The following PRKD1 variants were observed in gnomAD, a reference collection of about 807,000 sequenced individuals.
PRKD1 encodes the protein serine/threonine-protein kinase D1.
A neutral mutation model predicts 95.9 loss-of-function variants in PRKD1; 63 were observed. The ratio of observed to expected loss-of-function variants is 0.66; its 90% confidence interval spans 0.54 to 0.81. The LOEUF is 0.81. Ranked by LOEUF, PRKD1 falls within the 30% of genes least tolerant of loss-of-function variation. The pLI is 0.00. For missense variants in PRKD1, 1,048 were observed against 1,165.3 expected (o/e 0.90, Z 1.47); for synonymous variants, 425 against 423.1 (o/e 1.00, Z -0.05).
At chr14:29,775,931 C>A (rs1169860900) in intron 1 of PRKD1, among the ~76,000 whole-genome samples, 2 of 152,130 alleles carry the variant, frequency 1.3e-5, no homozygotes, top group African/African-American at 4.8e-5. Flanking sequence ...TGGCCAGGTG[C>A]CCCTCTGAGA....
intron 4 of PRKD1, among the ~76,000 whole-genome samples, chr14:29,661,286 T>C (rs747538422): frequency 2.6e-5 from 4 of 152,344 alleles, no homozygotes; most frequent in Non-Finnish European, 5.9e-5. Context: ...GTGGCCTTAA[T>C]GAGCAATGCT....
chr14:29,726,499 T>C (rs950394782), intron 1 of PRKD1, among the ~76,000 whole-genome samples: 2 of 152,210 alleles, frequency 1.3e-5, no homozygotes, highest in Non-Finnish European at 2.9e-5. Flanking sequence ...AAATTATCTT[T>C]CTTCATCCTG....
chr14:29,603,782 G>T (rs147395388), intron 13 of PRKD1, among the ~76,000 whole-genome samples: 1 of 152,242 alleles, frequency 6.6e-6, no homozygotes, highest in African/African-American at 2.4e-5. Flanking sequence ...AACTTCTCAG[G>T]CTTTCCACAG....
At chr14:29,888,825 T>C (rs1893834805) in intron 1 of PRKD1, among the ~76,000 whole-genome samples, 1 of 152,236 alleles carries the variant, frequency 6.6e-6, no homozygotes, top group African/African-American at 2.4e-5. Flanking sequence ...CATTAATTCA[T>C]ATATATTCAC....
intron 16 of PRKD1, among the ~76,000 whole-genome samples, chr14:29,583,295 C>G (rs1035623047): frequency 1.3e-5 from 2 of 152,120 alleles, no homozygotes; most frequent in African/African-American, 4.8e-5. Context: ...GTTTAAATAG[C>G]AGAGATGGAA....
At chr14:29,752,659 T>C (rs1887531946) in intron 1 of PRKD1, among the ~76,000 whole-genome samples, 1 of 151,948 alleles carries the variant, frequency 6.6e-6, no homozygotes, top group Admixed American at 6.6e-5. Context: ...AAATTCATTT[T>C]TAAGAACCCA....
In PRKD1 at chr14:29,927,266, A is replaced by G; in HGVS notation, c.247T>C (p.Ser83Pro). The G allele has an allele frequency of 6.6e-7, 1 of 1,520,452 alleles. No individual in the cohort carries two copies. The highest frequency in any genetic ancestry group is 8.8e-7 in the Non-Finnish European group (1 of 1,134,798). 94.2% of individuals were successfully genotyped at this position (1,520,452 alleles called of 1,614,324 possible). ...CGACTTACCTTCTGGTCGACAATGGAGCAAGCCATCTCGCGGACGTGCGCC... is the reference window on the plus strand; with the variant it reads ...CGACTTACCTTCTGGTCGACAATGGGGCAAGCCATCTCGCGGACGTGCGCC... ...SLAHVREMAC[S>P]IVDQKFPECG... Residue 83 changes from serine (S) to proline (P), a missense_variant, in exon 1 of 18, where the codon TCC (serine) becomes CCC (proline). Ser to Pro is a moderately conservative substitution (Grantham distance 74). Transcript: ENST00000331968.
At position 29,649,843 on chromosome 14, in the gene PRKD1, C is replaced by T. The variant is rs182242906; in HGVS notation, c.697-10939G>A. Among the ~76,000 whole-genome samples the T allele has an allele frequency of 4.2e-3, 645 of 152,238 alleles. 5 individuals are homozygous for T. The highest frequency in any genetic ancestry group is 0.014 in the South Asian group (66 of 4,822). On this transcript the variant is annotated intron_variant, in intron 4 of 17. Transcript: ENST00000331968. The stretch of plus-strand genomic sequence containing the variant: ...TTTTCCTCCCATTTCCTCCCAGTAA[C>T]GACACAGCACATTCACTTTTCCTTT...
chr14:29,892,192 G>A (rs1056667047), intron 1 of PRKD1, among the ~76,000 whole-genome samples: 2 of 152,106 alleles, frequency 1.3e-5, no homozygotes, highest in African/African-American at 4.8e-5. Flanking sequence ...TAGCACCCAT[G>A]TATGTACATC....
At chr14:29,810,743 C>G (rs1235997331) in intron 1 of PRKD1, among the ~76,000 whole-genome samples, 1 of 152,202 alleles carries the variant, frequency 6.6e-6, no homozygotes, top group Non-Finnish European at 1.5e-5. Context: ...CTTTAAAATG[C>G]CAACCTCAAA....
intron 2 of PRKD1, among the ~76,000 whole-genome samples, chr14:29,689,618 A>G (rs950095311): frequency 6.6e-6 from 1 of 152,232 alleles, no homozygotes; most frequent in Admixed American, 6.5e-5. Flanking sequence ...CAATCCCATT[A>G]CAGGGTATAT....
intron 1 of PRKD1, among the ~76,000 whole-genome samples, chr14:29,820,713 C>A (rs1409829348): frequency 6.6e-6 from 1 of 151,930 alleles, no homozygotes; most frequent in East Asian, 1.9e-4. Flanking sequence ...TTGTATAACA[C>A]GCTAAGGAAC....
chr14:29,624,362 A>T, intron 12 of PRKD1, 104 bp from the exon 13 acceptor site: 1 of 663,754 alleles, frequency 1.5e-6, no homozygotes, highest in Non-Finnish European at 2.4e-6. Flanking sequence ...AACATATTTC[A>T]CTGAATAAAT....
chr14:29,592,149 A>G (rs749113552), intron 16 of PRKD1, among the ~76,000 whole-genome samples: 8 of 152,126 alleles, frequency 5.3e-5, no homozygotes, highest in Non-Finnish European at 1.0e-4. Flanking sequence ...TGACAGCAAG[A>G]CCATGTCTAA....
chr14:29,603,871 A>G (rs941119975), intron 13 of PRKD1, among the ~76,000 whole-genome samples: 2 of 152,184 alleles, frequency 1.3e-5, no homozygotes, highest in African/African-American at 2.4e-5. Flanking sequence ...AAGCAATTTA[A>G]TTTTCAGGAA....
At chr14:29,745,668 G>A (rs1887180877) in intron 1 of PRKD1, among the ~76,000 whole-genome samples, 1 of 151,708 alleles carries the variant, frequency 6.6e-6, no homozygotes, top group Non-Finnish European at 1.5e-5. Flanking sequence ...AGAGACAGGG[G>A]GTCTCACTAT....
At chr14:29,751,346 T>C (rs772242859) in intron 1 of PRKD1, among the ~76,000 whole-genome samples, 4 of 152,188 alleles carry the variant, frequency 2.6e-5, no homozygotes, top group Non-Finnish European at 5.9e-5. Context: ...TAAGGGGCAG[T>C]CTACAGCTGG....
intron 16 of PRKD1, among the ~76,000 whole-genome samples, chr14:29,587,992 C>T (rs546093215): frequency 6.6e-5 from 10 of 152,270 alleles, no homozygotes; most frequent in Middle Eastern, 3.4e-3. Flanking sequence ...CTAGTCTCCT[C>T]GCCTCTCCTC....
At chr14:29,595,011 T>C (rs1337917756) in intron 16 of PRKD1, among the ~76,000 whole-genome samples, 1 of 149,962 alleles carries the variant, frequency 6.7e-6, no homozygotes, top group Admixed American at 6.7e-5. Flanking sequence ...TTTTTTGCCA[T>C]CCAGAGCTTT....
Sources: gnomAD v4.1 joint callset for allele counts (sites outside exome capture counted in the v4.1 genomes callset) on GRCh38, gnomAD v4.1.1 for gene constraint, MANE v1.5 for transcripts, NCBI Gene and HGNC (gene_info 2026-07-23, HGNC 2026-07-21) for gene names.